CAMK4: variants seen among roughly 807,000 people sequenced by gnomAD.
CAMK4 encodes calcium/calmodulin dependent protein kinase IV, also known as calcium/calmodulin-dependent protein kinase type IV.
A neutral mutation model predicts 44.9 loss-of-function variants in CAMK4; 22 were observed. The ratio of observed to expected loss-of-function variants is 0.49; its 90% CI spans 0.35 to 0.70. The LOEUF (loss-of-function observed/expected upper bound fraction) is 0.70, where lower values mean the gene tolerates loss of function less well. Among genes scored for constraint, CAMK4 ranks in the 30% least tolerant of loss-of-function variants. The pLI is 0.01. For synonymous variants in CAMK4, 218 were observed against 215.4 expected, an observed-to-expected ratio of 1.01 and a Z score of -0.11; for missense variants, 498 against 586.8, an observed-to-expected ratio of 0.85 and a Z score of 1.56.
At chr5:111,313,064 G>T (rs1005366808) in intron 1 of CAMK4, among the ~76,000 whole-genome samples, 2 of 152,086 alleles carry the variant, frequency 1.3e-5, no homozygotes, top group Non-Finnish European at 2.9e-5. Context: ...AACAGTTTAT[G>T]ATTTTTAAAT....
chr5:111,475,189 G>C (rs193243985), intron 8 of CAMK4, among the ~76,000 whole-genome samples: 37 of 151,850 alleles, frequency 2.4e-4, no homozygotes, highest in African/African-American at 6.0e-4. Flanking sequence ...CAAAACAAAA[G>C]AAAAAGAAAA....
chr5:111,321,395 C>A (rs949236433), intron 1 of CAMK4, among the ~76,000 whole-genome samples: 6 of 151,938 alleles, frequency 3.9e-5, no homozygotes, highest in African/African-American at 9.7e-5. Context: ...CAAAACACAT[C>A]TGTTTGCTAA....
At chr5:111,466,943 T>G (rs1052711909) in intron 7 of CAMK4, among the ~76,000 whole-genome samples, 6 of 152,162 alleles carry the variant, frequency 3.9e-5, no homozygotes, top group African/African-American at 1.4e-4. Context: ...GACTTTATAC[T>G]GTAAGGCCTT....
In CAMK4 at chr5:111,224,734, C is replaced by A. The variant is rs1002134305; in HGVS notation, c.161+90C>A. ...ACGGCTCGGAGGGTGCGGGAGCCTG[C>A]CTTCGTGCCCTTCGATTTCTCCCTA... On this transcript the variant is annotated intron_variant, in intron 1 of 10. Transcript: ENST00000282356. This position sits in a 1 kb window ranked among gnomAD's most constrained non-coding sequence, Gnocchi z 5.7. 9 of 1,211,078 alleles carry A rather than the reference C, an allele frequency of 7.4e-6. No individual in the cohort carries two copies. The highest frequency in any genetic ancestry group is 4.9e-5 in the Admixed American group (2 of 40,684). The allele number at this position is 1,211,078 out of a possible 1,614,324, so 75.0% of individuals were successfully genotyped here. A position where few individuals can be genotyped will look rare whatever the true frequency, so the allele number is the denominator to read the frequency against.
intron 2 of CAMK4, among the ~76,000 whole-genome samples, chr5:111,372,197 T>C (rs1286901909): frequency 6.6e-6 from 1 of 152,106 alleles, no homozygotes; most frequent in Non-Finnish European, 1.5e-5. Context: ...TTCAGGATCT[T>C]AGGAAAATGT....
chr5:111,414,443 T>G (rs1220011429), intron 5 of CAMK4, among the ~76,000 whole-genome samples: 2 of 152,168 alleles, frequency 1.3e-5, no homozygotes, highest in African/African-American at 4.8e-5. Context: ...ATTACCAGGT[T>G]AATGATTTAA....
intron 5 of CAMK4, among the ~76,000 whole-genome samples, chr5:111,419,454 C>A (rs1044357434): frequency 6.6e-6 from 1 of 152,008 alleles, no homozygotes; most frequent in Non-Finnish European, 1.5e-5. Flanking sequence ...TTAATTAGAT[C>A]CCATTTGTCA....
At chr5:111,362,919 T>C (rs1750650251) in intron 2 of CAMK4, among the ~76,000 whole-genome samples, 1 of 152,120 alleles carries the variant, frequency 6.6e-6, no homozygotes, top group Non-Finnish European at 1.5e-5. Context: ...CTCACCATTA[T>C]CATTTTCTAA....
intron 5 of CAMK4, among the ~76,000 whole-genome samples, chr5:111,398,104 C>T (rs1580699966): frequency 6.6e-6 from 1 of 152,180 alleles, no homozygotes; most frequent in East Asian, 1.9e-4. Flanking sequence ...TCACCTGCTT[C>T]CCTCTGCTCT....
chr5:111,407,078 G>A (rs1752460478), intron 5 of CAMK4, among the ~76,000 whole-genome samples: 1 of 152,194 alleles, frequency 6.6e-6, no homozygotes, highest in African/African-American at 2.4e-5. Flanking sequence ...ACAAGGCCGG[G>A]TGCGATGGCT....
chr5:111,371,889 A>G (rs1407780983), intron 2 of CAMK4, among the ~76,000 whole-genome samples: 1 of 152,118 alleles, frequency 6.6e-6, no homozygotes, highest in Admixed American at 6.5e-5. Context: ...CATCAAAACA[A>G]TTGACAAGGT....
chr5:111,386,981 A>G (rs2112847093), intron 4 of CAMK4, among the ~76,000 whole-genome samples: 1 of 152,326 alleles, frequency 6.6e-6, no homozygotes, highest in Non-Finnish European at 1.5e-5. Context: ...CCTAGCCCAC[A>G]ATGGAAGTCT....
chr5:111,388,985 A>G (rs539581792), intron 4 of CAMK4, among the ~76,000 whole-genome samples: 5 of 152,320 alleles, frequency 3.3e-5, no homozygotes, highest in South Asian at 4.1e-4. Flanking sequence ...CCACAAGAAC[A>G]TATTCTGAAA....
intron 1 of CAMK4, among the ~76,000 whole-genome samples, chr5:111,251,773 A>G (rs1749505804): frequency 6.6e-6 from 1 of 152,198 alleles, no homozygotes; most frequent in East Asian, 1.9e-4. Flanking sequence ...GGAAAGTTCA[A>G]TATGTATTCA....
intron 1 of CAMK4, among the ~76,000 whole-genome samples, chr5:111,228,802 A>G (rs1370411239): frequency 6.6e-6 from 1 of 152,156 alleles, no homozygotes; most frequent in East Asian, 1.9e-4. Flanking sequence ...AATTGGCAAC[A>G]TTGGGTGGTA....
chr5:111,248,358 G>T (rs1446876377), intron 1 of CAMK4, among the ~76,000 whole-genome samples: 2 of 152,064 alleles, frequency 1.3e-5, no homozygotes, highest in African/African-American at 2.4e-5. Context: ...ATGTTTGCTG[G>T]TCTTTGGAGA....
chr5:111,427,615 C>T (rs1031115727), intron 5 of CAMK4, among the ~76,000 whole-genome samples: 4 of 152,158 alleles, frequency 2.6e-5, no homozygotes, highest in African/African-American at 7.2e-5. Context: ...TGGCATTCCT[C>T]GTGGCCTGAG....
chr5:111,273,709 A>ATTTT, intron 1 of CAMK4, among the ~76,000 whole-genome samples: 1 of 53,094 alleles, frequency 1.9e-5, no homozygotes, highest in East Asian at 9.7e-4. Flanking sequence ...ATATATATAT[A>ATTTT]TATATATATA....
intron 2 of CAMK4, among the ~76,000 whole-genome samples, chr5:111,351,610 C>T (rs1750109254): frequency 6.6e-6 from 1 of 151,792 alleles, no homozygotes; most frequent in African/African-American, 2.4e-5. Flanking sequence ...TGGGGTTTCA[C>T]CGTATTGGCC....
Sources: allele counts gnomAD v4.1 joint callset (sites outside exome capture counted in the v4.1 genomes callset), GRCh38; gene constraint gnomAD v4.1.1; non-coding constraint Gnocchi (gnomAD v3.1); transcripts MANE v1.5; gene names NCBI Gene and HGNC (gene_info 2026-07-23, HGNC 2026-07-21).